The following GNB1L variants were observed in gnomAD, a reference collection of about 807,000 sequenced individuals.
GNB1L encodes the protein guanine nucleotide-binding protein subunit beta-like protein 1.
In GNB1L, 20 loss-of-function variants were observed where a neutral mutation model predicts 29.1. The observed-to-expected ratio is 0.69, with a 90% CI of 0.48 to 1.00. The LOEUF (loss-of-function observed/expected upper bound fraction) is 1.00, where lower values mean the gene tolerates loss of function less well. Among genes scored for constraint, GNB1L ranks in the 50% least tolerant of loss-of-function variants. The pLI is 0.00. For missense variants in GNB1L, 421 were observed against 464.9 expected, an observed-to-expected ratio of 0.91 and a Z score of 0.87; for synonymous variants, 193 against 206.5, an observed-to-expected ratio of 0.93 and a Z score of 0.56.
intron 2 of GNB1L, among the ~76,000 whole-genome samples, chr22:19,826,453 G>A (rs1047114965): frequency 3.3e-5 from 5 of 152,126 alleles, no homozygotes; most frequent in Admixed American, 3.3e-4. Context: ...AGTCATGAGA[G>A]GCAACAAAAA....
At chr22:19,795,866 A>G (rs1937300563) in intron 7 of GNB1L, among the ~76,000 whole-genome samples, 1 of 152,174 alleles carries the variant, frequency 6.6e-6, no homozygotes, top group Non-Finnish European at 1.5e-5. Flanking sequence ...ATCAGAGGCC[A>G]CCAGCACAGC....
intron 4 of GNB1L, among the ~76,000 whole-genome samples, chr22:19,817,603 T>G (rs1182902523): frequency 6.6e-6 from 1 of 152,230 alleles, no homozygotes; most frequent in African/African-American, 2.4e-5. Flanking sequence ...CTGCTCCTTA[T>G]GTCTCCACGC....
chr22:19,789,023 T>C, intron 7 of GNB1L, 63 bp from the exon 8 acceptor site: 3 of 1,507,816 alleles, frequency 2.0e-6, no homozygotes, highest in Non-Finnish European at 2.7e-6. Flanking sequence ...CTGCCCCTGG[T>C]GCCCCACCTG....
chr22:19,821,398 T>C, intron 2 of GNB1L, 23 bp from the exon 3 acceptor site: 1 of 1,603,826 alleles, frequency 6.2e-7, no homozygotes, highest in Non-Finnish European at 8.5e-7. Flanking sequence ...GGAGGGCGTG[T>C]GAGTGACTGC....
In GNB1L at chr22:19,812,390, G is replaced by A. The variant is rs751273566; in HGVS notation, c.312C>T (p.Val104=). ...CACTCTCCAAGCACACGGAGTCCAC[G>A]ACAGCGCTCCTGCCCTCCGCGAGGT... ...LWDLAEGRSA[V]VDSVCLESVG... The change falls in exon 5 of 8, where the codon GTC becomes GTT. Residue 104 remains valine, a synonymous_variant. Transcript: ENST00000329517. 1.7e-5 allele frequency: 27 copies of A among 1,613,452 alleles called. No individual in the cohort carries two copies. The highest frequency in any genetic ancestry group is 2.2e-5 in the South Asian group (2 of 91,082).
chr22:19,795,295 G>A (rs1200597541), intron 7 of GNB1L, among the ~76,000 whole-genome samples: 2 of 151,930 alleles, frequency 1.3e-5, no homozygotes, highest in South Asian at 2.1e-4. Flanking sequence ...AAACAGGCAC[G>A]TTTGCAATCA....
chr22:19,795,585 A>T (rs1937297253), intron 7 of GNB1L, among the ~76,000 whole-genome samples: 1 of 152,274 alleles, frequency 6.6e-6, no homozygotes, highest in African/African-American at 2.4e-5. Flanking sequence ...ATTAAGCTAG[A>T]TTAAAGATAT....
intron 2 of GNB1L, among the ~76,000 whole-genome samples, chr22:19,831,396 T>G (rs1937678018): frequency 7.0e-6 from 1 of 142,844 alleles, no homozygotes; most frequent in East Asian, 2.1e-4. Flanking sequence ...ATAAAATGGA[T>G]AATTCTGACT....
In GNB1L at chr22:19,851,329, G is replaced by C. The variant is rs771017052; in HGVS notation, c.-21+3114C>G. 11 of 1,614,076 alleles carry C rather than the reference G, an allele frequency of 6.8e-6. No individual in the cohort carries two copies. The Middle Eastern group carries it at 6.6e-4, about 97-fold the overall frequency. ...CTGGATGAGCTGGGTCTGGTCTCTG[G>C]GCAGGAGGATTAGCTGACTCCGACA... On this transcript the variant is annotated intron_variant, in intron 2 of 7. Transcript: ENST00000329517.
intron 2 of GNB1L, among the ~76,000 whole-genome samples, chr22:19,853,879 C>A (rs1601361325): frequency 6.6e-6 from 1 of 152,224 alleles, no homozygotes. Context: ...CCACCACCAG[C>A]CAAGGTTAGG....
chr22:19,833,555 ACCCTGTCTC>A (rs1156453114), intron 2 of GNB1L, among the ~76,000 whole-genome samples: 13 of 152,054 alleles, frequency 8.5e-5, no homozygotes, highest in African/African-American at 3.1e-4. Flanking sequence ...ACAGAGCAAG[ACCCTGTCTC>A]TAAAATAAAA....
chr22:19,796,222 T>C (rs1471795428), intron 7 of GNB1L, among the ~76,000 whole-genome samples: 5 of 152,222 alleles, frequency 3.3e-5, no homozygotes, highest in Non-Finnish European at 7.3e-5. Context: ...CATTTTAAAC[T>C]GGCATGTTCC....
Position 19,787,477 on chromosome 22 carries a change from TGCCTGGAA to T in GNB1L, c.*1224_*1231del, listed in dbSNP as rs934225800. The T allele has an allele frequency of 6.6e-6, 1 of 152,514 alleles. No homozygotes were observed. Among genetic ancestry groups the T allele is most frequent in the African/African-American group, 2.4e-5 (1 of 41,484 alleles). 9.4% of individuals were successfully genotyped at this position (152,514 alleles called of 1,614,324 possible). ...TCCGTCCCACACATGTTCAGATTTC[TGCCTGGAA>T]ACCTGGAAATGCCATGTGGTCCTGC... On this transcript the variant is annotated 3_prime_UTR_variant, in exon 8 of 8. Transcript: ENST00000329517.
chr22:19,809,394 C>T (rs533642609), intron 5 of GNB1L, among the ~76,000 whole-genome samples: 6 of 152,274 alleles, frequency 3.9e-5, no homozygotes, highest in Non-Finnish European at 8.8e-5. Flanking sequence ...CTGAGAGCTA[C>T]TTCCACTCAA....
chr22:19,848,777 A>C (rs527328030), intron 2 of GNB1L: 7 of 985,496 alleles, frequency 7.1e-6, no homozygotes, highest in Middle Eastern at 5.2e-4. Flanking sequence ...AAAGCCCCAA[A>C]GCCCCAATAG....
chr22:19,851,336 G>A (rs776672508), intron 2 of GNB1L: 1 of 1,614,154 alleles, frequency 6.2e-7, no homozygotes, highest in South Asian at 1.1e-5. Context: ...CTGGGCAGGA[G>A]GATTAGCTGA....
intron 6 of GNB1L, among the ~76,000 whole-genome samples, chr22:19,806,195 G>A (rs929484263): frequency 1.3e-5 from 2 of 152,278 alleles, no homozygotes; most frequent in Non-Finnish European, 2.9e-5. Context: ...GAATGTCATT[G>A]TGTTAAGTCC....
At chr22:19,848,388 G>A in intron 2 of GNB1L, 1 of 985,450 alleles carries the variant, frequency 1.0e-6, no homozygotes, top group East Asian at 1.1e-4. Context: ...AAACAACCCA[G>A]GGGGAATGCC....
chr22:19,839,740 C>T (rs140115375), intron 2 of GNB1L, among the ~76,000 whole-genome samples: 3,909 of 152,106 alleles, frequency 0.026, 92 homozygotes, highest in Non-Finnish European at 0.036. Flanking sequence ...TTAGCCCAGG[C>T]GTGGTGGCAG....
Sources: allele counts gnomAD v4.1 joint callset (sites outside exome capture counted in the v4.1 genomes callset), GRCh38; gene constraint gnomAD v4.1.1; transcripts MANE v1.5; gene names NCBI Gene and HGNC (gene_info 2026-07-23, HGNC 2026-07-21).